Variants in TBC1D13 observed in about 807,000 individuals in gnomAD.
The protein encoded by TBC1D13 is epididymis secretory sperm binding protein.
TBC1D13 carries 40 observed loss-of-function variants against 53.6 expected under a neutral mutation model. The ratio of observed to expected loss-of-function variants is 0.75; its 90% CI spans 0.58 to 0.97. The LOEUF is 0.97. Among genes scored for constraint, TBC1D13 ranks in the 50% least tolerant of loss-of-function variants. TBC1D13 has a pLI of 0.00. For synonymous variants in TBC1D13, 182 were observed against 197.7 expected (o/e 0.92, Z 0.67); for missense variants, 377 against 499.4 (o/e 0.75, Z 2.34).
intron 6 of TBC1D13, 145 bp downstream of exon 6, chr9:128,792,719 C>G: frequency 1.4e-6 from 1 of 703,594 alleles, no homozygotes; most frequent in Middle Eastern, 3.2e-4. Flanking sequence ...GGTCCAGGCA[C>G]TATTGATGAT....
At position 128,805,999 on chromosome 9, in the gene TBC1D13, C is replaced by T. The variant is rs376578779; in HGVS notation, c.1059C>T (p.Leu353=). ...ADDNRFDFLL[L]VCCAMLMLIR... ...ACAACCGCTTTGACTTCCTCCTCCT[C>T]GTCTGCTGCGCCATGCTCATGTGAG... is the stretch of plus-strand genomic sequence containing the variant. Residue 353 remains leucine (L), a synonymous_variant, in exon 10 of 12, where the codon CTC becomes CTT. Transcript: ENST00000372648. 6.0e-5 allele frequency: 97 copies of T among 1,614,040 alleles called. No individual in the cohort carries two copies. In the Middle Eastern group the frequency reaches 6.6e-4, roughly 11 times the overall value.
intron 5 of TBC1D13, 51 bp downstream of exon 5, chr9:128,791,744 G>A (rs1480104268): frequency 2.6e-6 from 4 of 1,567,896 alleles, no homozygotes; most frequent in East Asian, 4.5e-5. Flanking sequence ...TGGAGGGGTG[G>A]CGGCCTTGGA....
At chr9:128,800,501 G>T (rs192177651) in intron 7 of TBC1D13, among the ~76,000 whole-genome samples, 6 of 149,156 alleles carry the variant, frequency 4.0e-5, no homozygotes, top group Non-Finnish European at 5.9e-5. Context: ...CTCCTGAATA[G>T]CTGGGATCAT....
chr9:128,803,618 G>T (rs1829776487), intron 8 of TBC1D13, among the ~76,000 whole-genome samples, 158 bp downstream of exon 8: 1 of 152,162 alleles, frequency 6.6e-6, no homozygotes, highest in Admixed American at 6.6e-5. Flanking sequence ...TAGAATGTTG[G>T]TTGTTTACTG....
chr9:128,790,809 T>C, intron 3 of TBC1D13, 34 bp downstream of exon 3: 1 of 1,557,302 alleles, frequency 6.4e-7, no homozygotes, highest in Non-Finnish European at 8.6e-7. Flanking sequence ...TCTGCTCTGC[T>C]GAGAGTCCCT....
At chr9:128,802,624 C>T (rs964733763) in intron 7 of TBC1D13, among the ~76,000 whole-genome samples, 7 of 152,092 alleles carry the variant, frequency 4.6e-5, no homozygotes, top group Admixed American at 1.3e-4. Context: ...CTCATGGTGG[C>T]GTTTGACTTG....
intron 3 of TBC1D13, 55 bp downstream of exon 3, chr9:128,790,830 G>A: frequency 2.0e-6 from 3 of 1,530,666 alleles, no homozygotes; most frequent in Non-Finnish European, 2.6e-6. Context: ...GGGTTTTCCT[G>A]CATGGGCTGC....
At chr9:128,803,921 T>A in intron 8 of TBC1D13, 35 bp from the exon 9 acceptor site, 4 of 1,608,366 alleles carry the variant, frequency 2.5e-6, no homozygotes, top group Non-Finnish European at 3.4e-6. Flanking sequence ...GGGCCTGGAG[T>A]GCGCCACTTC....
Position 128,803,937 on chromosome 9 carries a change from C to A in TBC1D13, c.755-19C>A. On this transcript the variant is annotated intron_variant, in intron 8 of 11. Transcript: ENST00000372648. ...GGCCTGGAGTGCGCCACTTCTGCCCCCATCCTGCTCTCTCCCAGAGCACGC... is the reference window on the plus strand; with the variant it reads ...GGCCTGGAGTGCGCCACTTCTGCCCACATCCTGCTCTCTCCCAGAGCACGC... 6.2e-7 allele frequency: 1 copy of A among 1,611,756 alleles called. No homozygotes were observed. Among genetic ancestry groups the A allele is most frequent in the South Asian group, 1.1e-5 (1 of 90,950 alleles).
rs773527565 is a variant in TBC1D13 at position 128,797,155 on chromosome 9, G to A, written c.484G>A (p.Val162Met). 4 of 1,614,168 alleles carry A rather than the reference G, an allele frequency of 2.5e-6. No individual in the cohort carries two copies. The Admixed American group carries it at 5.0e-5, about 20-fold the overall frequency. ...QNEFETLRKRVEQTTLKSQTV... is the reference protein window; with the variant it reads ...QNEFETLRKRMEQTTLKSQTV... The stretch of plus-strand genomic sequence containing the variant: ...TGAGTTTGAAACCCTTCGTAAGAGA[G>A]TGGAACAGACAACACTGAAATCTCA... Residue 162 changes from valine (V) to methionine (M), a missense_variant, in exon 7 of 12, where the codon GTG (valine) becomes ATG (methionine). Physicochemically the swap from Val to Met is conservative, Grantham distance 21. Transcript: ENST00000372648.
intron 7 of TBC1D13, among the ~76,000 whole-genome samples, chr9:128,800,813 G>C (rs554727303): frequency 6.6e-6 from 1 of 152,202 alleles, no homozygotes; most frequent in African/African-American, 2.4e-5. Context: ...GAGAGAGTAA[G>C]TTGCAGGTGT....
At chr9:128,797,353 C>A (rs2132540968) in intron 7 of TBC1D13, 139 bp downstream of exon 7, 2 of 917,372 alleles carry the variant, frequency 2.2e-6, no homozygotes, top group Admixed American at 2.8e-5. Flanking sequence ...GCTGCCAGAT[C>A]CTGGGGTGCT....
intron 7 of TBC1D13, among the ~76,000 whole-genome samples, chr9:128,798,963 C>G (rs1829684829): frequency 6.6e-6 from 1 of 152,208 alleles, no homozygotes; most frequent in African/African-American, 2.4e-5. Flanking sequence ...ATCCTCCTAC[C>G]TGGGCCTCCC....
chr9:128,801,638 C>T (rs1460102079), intron 7 of TBC1D13, among the ~76,000 whole-genome samples: 7 of 151,994 alleles, frequency 4.6e-5, no homozygotes, highest in African/African-American at 1.4e-4. Context: ...GAGGTCGCAC[C>T]ACTGCACTCC....
chr9:128,792,689 G>A, intron 6 of TBC1D13, 115 bp downstream of exon 6: 1 of 945,448 alleles, frequency 1.1e-6, no homozygotes, highest in Non-Finnish European at 1.6e-6. Context: ...GGAGCTGCTG[G>A]TGGATTGTCC....
At chr9:128,802,669 T>C (rs562350039) in intron 7 of TBC1D13, among the ~76,000 whole-genome samples, 2 of 152,310 alleles carry the variant, frequency 1.3e-5, no homozygotes, top group East Asian at 1.9e-4. Flanking sequence ...ATATGCTAGA[T>C]AGGTCCAGGC....
intron 6 of TBC1D13, 44 bp downstream of exon 6, chr9:128,792,618 TG>T: frequency 1.9e-6 from 3 of 1,550,636 alleles, no homozygotes; most frequent in Non-Finnish European, 2.7e-6. Context: ...ATGGGACTTC[TG>T]GGGCTCTCTG....
intron 6 of TBC1D13, among the ~76,000 whole-genome samples, chr9:128,796,494 G>A (rs929661604): frequency 2.0e-5 from 3 of 151,848 alleles, no homozygotes; most frequent in South Asian, 2.1e-4. Flanking sequence ...CAGGTGATCC[G>A]TCTGCCTCAG....
intron 4 of TBC1D13, 51 bp from the exon 5 acceptor site, chr9:128,791,543 G>A: frequency 1.2e-6 from 2 of 1,611,200 alleles, no homozygotes; most frequent in South Asian, 2.2e-5. Flanking sequence ...TCTGCTCTGG[G>A]CTCCCTGGGC....
Sources: allele counts gnomAD v4.1 joint callset (sites outside exome capture counted in the v4.1 genomes callset), GRCh38; gene constraint gnomAD v4.1.1; transcripts MANE v1.5; gene names NCBI Gene and HGNC (gene_info 2026-07-23, HGNC 2026-07-21).